INSL6: variants seen among roughly 807,000 people sequenced by gnomAD.
INSL6 encodes insulin-like peptide INSL6.
INSL6 carries 16 observed loss-of-function variants against 9.4 expected under a neutral mutation model. The ratio of observed to expected loss-of-function variants is 1.70; its 90% CI spans 1.15 to 2.59. The LOEUF (loss-of-function observed/expected upper bound fraction) is 2.59, where lower values mean the gene tolerates loss of function less well. Ranked by LOEUF, INSL6 falls within the 30% of genes most tolerant of loss-of-function variation. INSL6 has a pLI of 0.00. For missense variants in INSL6, 391 were observed against 257.3 expected, an observed-to-expected ratio of 1.52 and a Z score of -3.56; for synonymous variants, 154 against 96.9, an observed-to-expected ratio of 1.59 and a Z score of -3.46.
intron 1 of INSL6, among the ~76,000 whole-genome samples, chr9:5,172,247 G>A (rs1045420652): frequency 2.0e-5 from 3 of 151,920 alleles, no homozygotes; most frequent in Non-Finnish European, 2.9e-5. Context: ...CAAAGGATCC[G>A]CTATTTAATA....
chr9:5,180,439 C>T (rs1825426320), intron 1 of INSL6, among the ~76,000 whole-genome samples: 2 of 152,136 alleles, frequency 1.3e-5, no homozygotes, highest in Non-Finnish European at 2.9e-5. Context: ...AGGCTATAAA[C>T]GGATGTGCAA....
chr9:5,007,691 C>G, the INSL6 span, among the ~76,000 whole-genome samples: 1 of 151,122 alleles, frequency 6.6e-6, no homozygotes, highest in Non-Finnish European at 1.5e-5. Flanking sequence ...TTGCACCAGT[C>G]TAATAATGAG....
chr9:5,087,536 C>A, the INSL6 span, among the ~76,000 whole-genome samples: 1 of 152,094 alleles, frequency 6.6e-6, no homozygotes, highest in South Asian at 2.1e-4. Context: ...TATCTTAAAT[C>A]TTTCTTTTCG....
the INSL6 span, among the ~76,000 whole-genome samples, chr9:5,103,687 C>T: frequency 2.9e-3 from 442 of 152,186 alleles, no homozygotes; most frequent in African/African-American, 0.01. Flanking sequence ...TCTCACCAAA[C>T]GTAAAAGAAC....
chr9:5,062,500 TAAAAAAAAAAAAAAAAAA>T, the INSL6 span, among the ~76,000 whole-genome samples: 54 of 58,242 alleles, frequency 9.3e-4, no homozygotes, highest in African/African-American at 1.1e-3. Flanking sequence ...CTTCCATTTG[TAAAAAAAAAAAAAAAAAA>T]AAAAAAAAAA....
the INSL6 span, among the ~76,000 whole-genome samples, chr9:5,061,638 C>T: frequency 6.6e-6 from 1 of 152,180 alleles, no homozygotes; most frequent in Non-Finnish European, 1.5e-5. Context: ...CTGGTTTGAT[C>T]TTCTATCTAG....
the INSL6 span, among the ~76,000 whole-genome samples, chr9:5,049,495 T>G: frequency 1.3e-5 from 2 of 152,222 alleles, no homozygotes; most frequent in Non-Finnish European, 2.9e-5. Flanking sequence ...ACTGTGAAGT[T>G]TCAAATCTTC....
the INSL6 span, chr9:5,041,044 T>C: frequency 1.0e-5 from 7 of 681,560 alleles, no homozygotes; most frequent in South Asian, 8.9e-5. Flanking sequence ...TACAAGCAGC[T>C]CAGCGCCATA....
chr9:5,165,610 A>G (rs1160197263), intron 1 of INSL6, among the ~76,000 whole-genome samples: 1 of 152,174 alleles, frequency 6.6e-6, no homozygotes, highest in Non-Finnish European at 1.5e-5. Flanking sequence ...CAAATTTGAT[A>G]ATTTGTCTTC....
At position 5,169,716 on chromosome 9, in the gene INSL6, C is replaced by A. The variant is rs1387037376; in HGVS notation, c.290-5451G>T. Among the ~76,000 whole-genome samples the A allele has an allele frequency of 2.6e-5, 4 of 152,128 alleles. No individual in the cohort carries two copies. In the East Asian group the frequency reaches 7.7e-4, roughly 29 times the overall value. On this transcript the variant is annotated intron_variant, in intron 1 of 1. Transcript: ENST00000381641. The stretch of plus-strand genomic sequence containing the variant: ...GGAAAACAGAAAACAGCAAGGGTTG[C>A]AATCCTAGTTTCTGACAAAACAGAC...
At chr9:4,999,399 T>G in the INSL6 span, among the ~76,000 whole-genome samples, 2 of 152,160 alleles carry the variant, frequency 1.3e-5, no homozygotes, top group Non-Finnish European at 2.9e-5. Context: ...TCTCTTCATA[T>G]AAAAAATTCA....
the INSL6 span, chr9:5,097,970 CAACGTTA>C: frequency 1.2e-4 from 19 of 152,266 alleles, no homozygotes; most frequent in African/African-American, 4.6e-4. Flanking sequence ...CGGTATGCCG[CAACGTTA>C]TTCCGATTAT....
the INSL6 span, chr9:5,029,736 AT>A: frequency 6.6e-7 from 1 of 1,504,192 alleles, no homozygotes; most frequent in Non-Finnish European, 9.0e-7. Flanking sequence ...ATGTAAAAAT[AT>A]TCTGTTGTGT....
downstream of INSL6, chr9:5,163,813 C>G: frequency 1.3e-6 from 1 of 767,084 alleles, no homozygotes; most frequent in Non-Finnish European, 2.1e-6. Flanking sequence ...TACATTCAGA[C>G]ATTTTTCACA....
the INSL6 span, among the ~76,000 whole-genome samples, chr9:5,074,753 A>G: frequency 1.3e-5 from 2 of 152,230 alleles, no homozygotes; most frequent in African/African-American, 4.8e-5. Context: ...TTAAATGGAA[A>G]GCTAGAAATG....
the INSL6 span, among the ~76,000 whole-genome samples, chr9:5,037,217 G>A: frequency 6.6e-6 from 1 of 152,146 alleles, no homozygotes; most frequent in Non-Finnish European, 1.5e-5. Context: ...ACAGGTGCTG[G>A]AGAGGATGTG....
At chr9:5,163,649 T>C (rs1226952905), downstream of INSL6, among the ~76,000 whole-genome samples, 1 of 152,146 alleles carries the variant, frequency 6.6e-6, no homozygotes, top group African/African-American at 2.4e-5. Flanking sequence ...TCAACCGTAA[T>C]GACAAGTGAA....
chr9:5,090,715 G>A, the INSL6 span: 1 of 1,567,504 alleles, frequency 6.4e-7, no homozygotes, highest in East Asian at 2.3e-5. Flanking sequence ...AAAACTAGCT[G>A]AAAGAAAAAT....
chr9:5,126,136 A>G, intron 3 of INSL6: 1 of 473,492 alleles, frequency 2.1e-6, no homozygotes, highest in Admixed American at 3.9e-5. Context: ...TATTACAGCT[A>G]TGGAAATGGA....
Sources: gnomAD v4.1 joint callset for allele counts (sites outside exome capture counted in the v4.1 genomes callset) on GRCh38, gnomAD v4.1.1 for gene constraint, MANE v1.5 for transcripts, NCBI Gene and HGNC (gene_info 2026-07-23, HGNC 2026-07-21) for gene names.